Variants in ERBB4 observed in about 807,000 individuals in gnomAD.
ERBB4 encodes erb-b2 receptor tyrosine kinase 4.
In ERBB4, 42 loss-of-function variants were observed where a neutral mutation model predicts 158.0. That is an observed-to-expected ratio of 0.27 (90% CI 0.21 to 0.34). The LOEUF is 0.34. Ranked by LOEUF, ERBB4 falls within the 10% of genes least tolerant of loss-of-function variation. The pLI is 1.00. For missense variants in ERBB4, 1,333 were observed against 1,624.1 expected (o/e 0.82, Z 3.08); for synonymous variants, 583 against 558.7 (o/e 1.04, Z -0.61).
At chr2:211,897,120 T>TG (rs559756205) in intron 3 of ERBB4, among the ~76,000 whole-genome samples, 84 of 150,970 alleles carry the variant, frequency 5.6e-4, no homozygotes, top group African/African-American at 1.8e-3. Flanking sequence ...TCTTATATTA[T>TG]GAAAAATATA....
chr2:212,211,058 T>C (rs1211033812), intron 1 of ERBB4, among the ~76,000 whole-genome samples: 1 of 152,116 alleles, frequency 6.6e-6, no homozygotes, highest in Non-Finnish European at 1.5e-5. Context: ...AAGCTGATGG[T>C]CATCCTTGGT....
chr2:211,915,513 C>T (rs901972177), intron 3 of ERBB4, among the ~76,000 whole-genome samples: 7 of 150,812 alleles, frequency 4.6e-5, no homozygotes, highest in Non-Finnish European at 7.4e-5. Flanking sequence ...AATCCACATC[C>T]ATTGAAATTT....
intron 20 of ERBB4, among the ~76,000 whole-genome samples, chr2:211,524,241 T>C (rs143205606): frequency 0.12 from 18,504 of 152,020 alleles, 1,923 homozygotes; most frequent in African/African-American, 0.29. Flanking sequence ...TGCTGATTGG[T>C]GTGTTTACAA....
At chr2:212,403,209 T>C (rs1035128726) in intron 1 of ERBB4, among the ~76,000 whole-genome samples, 2 of 152,112 alleles carry the variant, frequency 1.3e-5, no homozygotes, top group African/African-American at 2.4e-5. Context: ...AATGTACTTC[T>C]TTTCTCCTAG....
chr2:212,415,557 G>A (rs1361939621), intron 1 of ERBB4, among the ~76,000 whole-genome samples: 1 of 151,926 alleles, frequency 6.6e-6, no homozygotes, highest in Non-Finnish European at 1.5e-5. Context: ...AAAGTTCTTT[G>A]GATGGAAGAA....
intron 25 of ERBB4, among the ~76,000 whole-genome samples, chr2:211,413,119 G>C (rs2125383192): frequency 6.6e-6 from 1 of 151,734 alleles, no homozygotes; most frequent in Admixed American, 6.6e-5. Flanking sequence ...AACACAGTGA[G>C]ACCATGTCTT....
At chr2:211,549,761 AT>A (rs1467139112) in intron 20 of ERBB4, among the ~76,000 whole-genome samples, 1 of 152,186 alleles carries the variant, frequency 6.6e-6, no homozygotes, top group African/African-American at 2.4e-5. Flanking sequence ...TGGAAGCTAG[AT>A]AATTGTGCAT....
At chr2:212,064,878 A>G (rs1458146313) in intron 2 of ERBB4, among the ~76,000 whole-genome samples, 1 of 151,954 alleles carries the variant, frequency 6.6e-6, no homozygotes, top group African/African-American at 2.4e-5. Context: ...AAAATTTCTG[A>G]TTTTGTAATT....
At chr2:211,762,169 T>C (rs781724823) in intron 4 of ERBB4, among the ~76,000 whole-genome samples, 8 of 152,202 alleles carry the variant, frequency 5.3e-5, no homozygotes, top group Non-Finnish European at 1.2e-4. Context: ...AGAGGGTCAG[T>C]AGAGGTGATA....
intron 1 of ERBB4, among the ~76,000 whole-genome samples, chr2:212,188,537 C>T (rs1369286706): frequency 1.3e-5 from 2 of 151,764 alleles, no homozygotes; most frequent in African/African-American, 4.8e-5. Context: ...TAAAAGTATT[C>T]AAAGGCTTCC....
intron 19 of ERBB4, among the ~76,000 whole-genome samples, chr2:211,610,856 G>A (rs757975201): frequency 5.9e-5 from 9 of 152,028 alleles, no homozygotes; most frequent in East Asian, 1.9e-4. Flanking sequence ...GAAATGCTTC[G>A]GAGAAACAGA....
At chr2:212,227,346 G>A (rs1339396184) in intron 1 of ERBB4, among the ~76,000 whole-genome samples, 1 of 151,958 alleles carries the variant, frequency 6.6e-6, no homozygotes, top group African/African-American at 2.4e-5. Context: ...CTCTACACAT[G>A]GAAAGCAGAC....
chr2:211,945,503 C>T (rs956077204), intron 3 of ERBB4, among the ~76,000 whole-genome samples: 1 of 133,090 alleles, frequency 7.5e-6, no homozygotes, highest in African/African-American at 2.5e-5. Flanking sequence ...TTTTTCTAAA[C>T]AATCAACTCA....
chr2:212,108,706 C>CTTTTTTTTTT (rs775193964), intron 2 of ERBB4, among the ~76,000 whole-genome samples: 1 of 97,064 alleles, frequency 1.0e-5, no homozygotes, highest in African/African-American at 3.9e-5. Flanking sequence ...AATGGGTCTG[C>CTTTTTTTTTT]TTTTTTTTTT....
At chr2:211,920,936 A>G (rs1222589371) in intron 3 of ERBB4, among the ~76,000 whole-genome samples, 1 of 151,968 alleles carries the variant, frequency 6.6e-6, no homozygotes, top group Non-Finnish European at 1.5e-5. Flanking sequence ...ATGTTTATTA[A>G]TACTGGAATG....
intron 2 of ERBB4, among the ~76,000 whole-genome samples, chr2:212,115,303 T>A (rs2079538976): frequency 6.6e-6 from 1 of 152,160 alleles, no homozygotes; most frequent in Non-Finnish European, 1.5e-5. Context: ...TTTGGTCTCA[T>A]GCAAAATTGT....
intron 1 of ERBB4, among the ~76,000 whole-genome samples, chr2:212,430,850 G>A (rs1256646023): frequency 1.3e-5 from 2 of 152,066 alleles, no homozygotes; most frequent in Middle Eastern, 3.2e-3. Flanking sequence ...GGAAGCAAGA[G>A]AGAGTGAGAG....
chr2:212,457,883 C>T (rs560978039), intron 1 of ERBB4, among the ~76,000 whole-genome samples: 99 of 151,894 alleles, frequency 6.5e-4, no homozygotes, highest in African/African-American at 2.3e-3. Context: ...TGGCAATATC[C>T]GTAGGCACCC....
intron 2 of ERBB4, among the ~76,000 whole-genome samples, chr2:212,015,039 AAAATATATAT>A (rs2076479635): frequency 2.1e-4 from 3 of 14,422 alleles, no homozygotes; most frequent in African/African-American, 1.4e-4. Flanking sequence ...AAAAAAAAAA[AAAATATATAT>A]ATATATATAT....
Sources: allele counts gnomAD v4.1 joint callset (sites outside exome capture counted in the v4.1 genomes callset), GRCh38; gene constraint gnomAD v4.1.1; transcripts MANE v1.5; gene names NCBI Gene and HGNC (gene_info 2026-07-23, HGNC 2026-07-21).